The following ADARB1 variants were observed in gnomAD, a reference collection of about 807,000 sequenced individuals.
ADARB1 encodes the protein adenosine deaminase RNA specific B1.
ADARB1 carries 10 observed loss-of-function variants against 52.4 expected under a neutral mutation model. That is an observed-to-expected ratio of 0.19 (90% CI 0.12 to 0.32). The LOEUF (loss-of-function observed/expected upper bound fraction) is 0.32. Among genes scored for constraint, ADARB1 ranks in the 10% least tolerant of loss-of-function variants. The pLI is 1.00. For missense variants in ADARB1, 643 were observed against 922.3 expected (o/e 0.70, Z 3.92); for synonymous variants, 349 against 371.1 (o/e 0.94, Z 0.68).
At chr21:45,170,677 T>A (rs1601747069) in intron 2 of ADARB1, among the ~76,000 whole-genome samples, 1 of 152,020 alleles carries the variant, frequency 6.6e-6, no homozygotes, top group Non-Finnish European at 1.5e-5. Context: ...AGCAATGAAT[T>A]TGCCTTTTAG....
intron 8 of ADARB1, among the ~76,000 whole-genome samples, chr21:45,189,027 C>T (rs1374031521): frequency 6.6e-6 from 1 of 152,152 alleles, no homozygotes; most frequent in Non-Finnish European, 1.5e-5. Flanking sequence ...CATCACATCT[C>T]ATGATACTTA....
intron 1 of ADARB1, among the ~76,000 whole-genome samples, chr21:45,101,411 C>T (rs2087009903): frequency 6.6e-6 from 1 of 152,224 alleles, no homozygotes; most frequent in Non-Finnish European, 1.5e-5. Context: ...TCTCCAGACA[C>T]CTAGGCTCCC....
chr21:45,185,510 A>G (rs144167852), intron 8 of ADARB1, among the ~76,000 whole-genome samples: 302 of 152,312 alleles, frequency 2.0e-3, no homozygotes, highest in African/African-American at 6.3e-3. Flanking sequence ...TTTAAAAGTA[A>G]TGCAAACCCT....
intron 1 of ADARB1, among the ~76,000 whole-genome samples, chr21:45,082,480 C>T (rs1334064356): frequency 6.6e-6 from 1 of 152,190 alleles, no homozygotes; most frequent in African/African-American, 2.4e-5. Context: ...AACACAGACA[C>T]GTGCATTTAA....
intron 2 of ADARB1, among the ~76,000 whole-genome samples, chr21:45,166,934 AGG>A (rs2091276057): frequency 1.3e-5 from 2 of 152,094 alleles, no homozygotes; most frequent in Non-Finnish European, 2.9e-5. Flanking sequence ...GATATTTGAT[AGG>A]GTTTTAATTC....
intron 8 of ADARB1, 140 bp downstream of exon 8, chr21:45,185,231 T>A: frequency 8.5e-7 from 1 of 1,180,756 alleles, no homozygotes; most frequent in Non-Finnish European, 1.2e-6. Flanking sequence ...TTTGAAGGAC[T>A]GAGGTTCTAA....
chr21:45,102,288 G>T (rs1384467925), intron 1 of ADARB1, among the ~76,000 whole-genome samples: 1 of 152,142 alleles, frequency 6.6e-6, no homozygotes, highest in Admixed American at 6.5e-5. Flanking sequence ...AATAATTTTT[G>T]ATTTCTTGGA....
Position 45,157,027 on chromosome 21 carries a change from A to G in ADARB1, c.-47-14583A>G, listed in dbSNP as rs1190055928. ...GAAAGTTGAACCCCCAGTGGACAGC[A>G]GCGTTATGGATAGAAGGCCCAGATC... On this transcript the variant is annotated intron_variant, in intron 2 of 10. Transcript: ENST00000348831. This position sits in a 1 kb window ranked among gnomAD's most constrained non-coding sequence, Gnocchi z 4.1. Among the ~76,000 whole-genome samples the G allele has an allele frequency of 1.3e-5, 2 of 152,220 alleles. No individual in the cohort carries two copies. Among genetic ancestry groups the G allele is most frequent in the Non-Finnish European group, 2.9e-5 (2 of 68,034 alleles).
At chr21:45,117,108 C>T (rs2145779954) in intron 1 of ADARB1, 1 of 152,246 alleles carries the variant, frequency 6.6e-6, no homozygotes, top group Admixed American at 6.5e-5. Context: ...CTACCCATAT[C>T]CTCAGGAAAC....
intron 8 of ADARB1, among the ~76,000 whole-genome samples, chr21:45,195,055 A>G (rs754991615): frequency 6.6e-6 from 1 of 152,218 alleles, no homozygotes; most frequent in Non-Finnish European, 1.5e-5. Context: ...GTTGTCCCAC[A>G]TTGTCACCAG....
rs200847132 is a variant in ADARB1, at chr21:45,139,933, CTTTTTTTTTT to C, written c.-48+11378_-48+11387del. On this transcript the variant is annotated intron_variant, in intron 2 of 10. Coordinates refer to ENST00000348831, the MANE Select transcript of ADARB1 (RefSeq NM_001112.4). ...GGTAAAATGTACAGACAATAAAACT[CTTTTTTTTTT>C]TTTTTTTTTTTTTTTTTGACACAGA... Among the ~76,000 whole-genome samples, 109 of 84,976 alleles carry C rather than the reference CTTTTTTTTTT, an allele frequency of 1.3e-3. 1 individual carries two copies. Among genetic ancestry groups the C allele is most frequent in the Middle Eastern group, 0.016 (2 of 128 alleles). The allele number at this position is 84,976 out of a possible 152,430, so 55.7% of individuals were successfully genotyped here.
At chr21:45,180,620 A>G (rs1239387949) in intron 5 of ADARB1, among the ~76,000 whole-genome samples, 176 bp downstream of exon 5, 1 of 152,194 alleles carries the variant, frequency 6.6e-6, no homozygotes, top group Non-Finnish European at 1.5e-5. Context: ...TTTTTTCCCA[A>G]AATGTTCATC....
rs2092993306 is a variant in ADARB1 at position 45,223,097 on chromosome 21, A to G, written c.*900A>G. The G allele has an allele frequency of 3.0e-6, 3 of 985,376 alleles. No individual in the cohort carries two copies. Among genetic ancestry groups the G allele is most frequent in the African/African-American group, 1.7e-5 (1 of 57,264 alleles). 61.0% of individuals were successfully genotyped at this position (985,376 alleles called of 1,614,324 possible). On this transcript the variant is annotated 3_prime_UTR_variant, in exon 11 of 11. Transcript: ENST00000348831. ...GAAGGAATCACGAGGGCTACTGCAC[A>G]ATACATGGCCTAAGTTCCCTCTGTT...
At chr21:45,203,678 C>T (rs761942328) in intron 8 of ADARB1, among the ~76,000 whole-genome samples, 36 of 152,348 alleles carry the variant, frequency 2.4e-4, no homozygotes, top group Non-Finnish European at 4.1e-4. Flanking sequence ...TGCACACGTG[C>T]AGTCGCTGTA....
At chr21:45,193,433 C>A (rs2092350236) in intron 8 of ADARB1, among the ~76,000 whole-genome samples, 1 of 152,176 alleles carries the variant, frequency 6.6e-6, no homozygotes, top group Admixed American at 6.5e-5. Flanking sequence ...CAGGTAATGT[C>A]ATTCTTAACA....
At chr21:45,130,863 T>C (rs1601490228) in intron 2 of ADARB1, among the ~76,000 whole-genome samples, 1 of 152,172 alleles carries the variant, frequency 6.6e-6, no homozygotes, top group Non-Finnish European at 1.5e-5. Context: ...CTGGAACATC[T>C]TGGGGGGATA....
chr21:45,114,189 A>G (rs2087704925), intron 1 of ADARB1, among the ~76,000 whole-genome samples: 1 of 152,196 alleles, frequency 6.6e-6, no homozygotes, highest in Non-Finnish European at 1.5e-5. Context: ...CCTACCCTTT[A>G]AAAGGCTTAC....
At chr21:45,121,162 G>A (rs183567202) in intron 1 of ADARB1, among the ~76,000 whole-genome samples, 6 of 151,898 alleles carry the variant, frequency 4.0e-5, no homozygotes, top group East Asian at 3.9e-4. Flanking sequence ...TTTTTTGTTC[G>A]CTGGAACGGT....
rs2093002386 is a variant in ADARB1 at position 45,223,541 on chromosome 21, T to C, written c.*1344T>C. 3 of 985,694 alleles carry C rather than the reference T, an allele frequency of 3.0e-6. No homozygotes were observed. Among genetic ancestry groups the C allele is most frequent in the Non-Finnish European group, 3.6e-6 (3 of 830,128 alleles). The allele number at this position is 985,694 out of a possible 1,614,324, so 61.1% of individuals were successfully genotyped here. On this transcript the variant is annotated 3_prime_UTR_variant, in exon 11 of 11. Transcript: ENST00000348831. ...CTGAGAGAAGTGCTCTGCCTGCCAG[T>C]GCAGTGCCCAGCTCCAAGGCTCTAG...
Sources: allele counts gnomAD v4.1 joint callset (sites outside exome capture counted in the v4.1 genomes callset), GRCh38; gene constraint gnomAD v4.1.1; non-coding constraint Gnocchi (gnomAD v3.1); transcripts MANE v1.5; gene names NCBI Gene and HGNC (gene_info 2026-07-23, HGNC 2026-07-21).